CCSER1: variants seen among roughly 807,000 people sequenced by gnomAD.
The protein encoded by CCSER1 is coiled-coil serine rich protein 1, also known as serine-rich coiled-coil domain-containing protein 1.
A neutral mutation model predicts 82.0 loss-of-function variants in CCSER1; 41 were observed. The observed-to-expected ratio is 0.50, with a 90% CI of 0.39 to 0.65. The LOEUF (loss-of-function observed/expected upper bound fraction) is 0.65. Ranked by LOEUF, CCSER1 falls within the 30% of genes least tolerant of loss-of-function variation. The probability of loss-of-function intolerance (pLI) is 0.00; values close to 1 mark genes in which losing one functional copy is unlikely to be tolerated. For synonymous variants in CCSER1, 414 were observed against 383.9 expected (o/e 1.08, Z -0.92); for missense variants, 1,119 against 1,064.2 (o/e 1.05, Z -0.72).
intron 10 of CCSER1, among the ~76,000 whole-genome samples, chr4:91,347,176 C>A (rs908384531): frequency 1.3e-5 from 2 of 152,014 alleles, no homozygotes; most frequent in East Asian, 3.9e-4. Context: ...AAAGGTATAA[C>A]GTCTGGGTGT....
intron 10 of CCSER1, among the ~76,000 whole-genome samples, chr4:91,378,069 G>A (rs868151389): frequency 6.6e-6 from 1 of 152,112 alleles, no homozygotes; most frequent in East Asian, 1.9e-4. Context: ...TAGATGTGTG[G>A]TATTATTTCT....
At chr4:90,592,125 A>G (rs988342648) in intron 5 of CCSER1, among the ~76,000 whole-genome samples, 17 of 152,154 alleles carry the variant, frequency 1.1e-4, no homozygotes, top group African/African-American at 2.9e-4. Context: ...AGGTGCAGGA[A>G]ACCACCATGG....
intron 10 of CCSER1, among the ~76,000 whole-genome samples, chr4:91,448,584 T>C (rs554259062): frequency 4.5e-4 from 68 of 152,052 alleles, no homozygotes; most frequent in Non-Finnish European, 8.1e-4. Context: ...CTGATATCCA[T>C]GTATCCATGC....
intron 10 of CCSER1, among the ~76,000 whole-genome samples, chr4:91,394,406 A>T (rs1751840751): frequency 6.6e-6 from 1 of 152,102 alleles, no homozygotes; most frequent in Non-Finnish European, 1.5e-5. Flanking sequence ...TTTGTTAAAA[A>T]TTAAATAGAA....
chr4:90,845,352 C>T (rs931045865), intron 8 of CCSER1, among the ~76,000 whole-genome samples: 15 of 125,526 alleles, frequency 1.2e-4, no homozygotes, highest in East Asian at 6.7e-4. Context: ...CAGAGTGAGA[C>T]GCCATCTAAA....
intron 3 of CCSER1, among the ~76,000 whole-genome samples, chr4:90,390,006 A>G (rs1036776665): frequency 1.3e-5 from 2 of 152,180 alleles, no homozygotes; most frequent in Non-Finnish European, 2.9e-5. Flanking sequence ...AAAATCTGTC[A>G]TATAATAAAA....
At chr4:90,746,882 A>T (rs1335254368) in intron 7 of CCSER1, among the ~76,000 whole-genome samples, 1 of 152,204 alleles carries the variant, frequency 6.6e-6, no homozygotes, top group Non-Finnish European at 1.5e-5. Flanking sequence ...TGCAGGTTGC[A>T]ATGCTGGTAA....
chr4:91,021,001 C>A (rs1581355624), intron 9 of CCSER1, among the ~76,000 whole-genome samples: 2 of 152,118 alleles, frequency 1.3e-5, no homozygotes, highest in Admixed American at 6.5e-5. Context: ...CGAGATACTT[C>A]AAAGTTAGTG....
chr4:91,075,565 TTGAC>T (rs1721902402), intron 9 of CCSER1, among the ~76,000 whole-genome samples: 1 of 152,184 alleles, frequency 6.6e-6, no homozygotes. Context: ...TATGAATAAT[TTGAC>T]TGTTCGTGTG....
At chr4:90,459,621 G>A (rs1762626148) in intron 4 of CCSER1, among the ~76,000 whole-genome samples, 1 of 151,946 alleles carries the variant, frequency 6.6e-6, no homozygotes, top group Admixed American at 6.5e-5. Flanking sequence ...TGTCTTCGAT[G>A]TTTTTTCCAC....
At chr4:91,083,719 A>C (rs534287123) in intron 9 of CCSER1, among the ~76,000 whole-genome samples, 26 of 152,270 alleles carry the variant, frequency 1.7e-4, no homozygotes, top group African/African-American at 6.3e-4. Context: ...CTGAAATAAA[A>C]ATTTCACTGA....
intron 4 of CCSER1, among the ~76,000 whole-genome samples, chr4:90,423,146 GTGTAAATAATGA>G (rs1393816020): frequency 6.6e-6 from 1 of 151,984 alleles, no homozygotes; most frequent in Non-Finnish European, 1.5e-5. Context: ...ATATTATTTG[GTGTAAATAATGA>G]TAAAAATATT....
At chr4:91,195,401 G>A (rs1198996640) in intron 10 of CCSER1, among the ~76,000 whole-genome samples, 1 of 152,140 alleles carries the variant, frequency 6.6e-6, no homozygotes, top group East Asian at 1.9e-4. Context: ...CCACAATGCT[G>A]GATTAAGAGA....
rs1156334482 is a variant in CCSER1 at position 90,648,266 on chromosome 4, A to G, written c.1932+20034A>G. On this transcript the variant is annotated intron_variant, in intron 6 of 10. Coordinates refer to ENST00000509176, the MANE Select transcript of CCSER1 (RefSeq NM_001145065.2). ...GAATAAAGGAAAAAAAGAAGAAAGA[A>G]AGAGAGAGAGAAAGAAAGGAAAGAA... Among the ~76,000 whole-genome samples, 4 of 145,068 alleles carry G rather than the reference A, an allele frequency of 2.8e-5. No individual in the cohort carries two copies. The East Asian group carries it at 6.1e-4, about 22-fold the overall frequency.
chr4:90,231,093 A>G (rs1305894390), intron 1 of CCSER1, among the ~76,000 whole-genome samples: 2 of 152,132 alleles, frequency 1.3e-5, no homozygotes, highest in Admixed American at 6.5e-5. Context: ...ATCAACAGAA[A>G]AAGAGGGAAT....
At chr4:90,751,183 C>G (rs573907377) in intron 7 of CCSER1, among the ~76,000 whole-genome samples, 1 of 151,982 alleles carries the variant, frequency 6.6e-6, no homozygotes, top group Admixed American at 6.6e-5. Flanking sequence ...TGCCATAAGC[C>G]CCATGGTTTA....
chr4:90,614,951 ACT>A (rs1421872566), intron 5 of CCSER1, among the ~76,000 whole-genome samples: 1 of 152,054 alleles, frequency 6.6e-6, no homozygotes, highest in Non-Finnish European at 1.5e-5. Context: ...GGACAGGCTG[ACT>A]CTCTTGATAG....
rs373847330 is a variant in CCSER1 at position 90,258,615 on chromosome 4, GTTTCAC to G, written c.-41-49623_-41-49618del. 5.6e-4 allele frequency among the ~76,000 whole-genome samples: 86 copies of G among 152,220 alleles called. 2 individuals carry two copies. In the East Asian group the frequency reaches 0.016, roughly 29 times the overall value. Reference sequence around the variant, plus strand: ...AAATACACAAAGTTCCTTATTTATAGTTTCACTTTCAAAGATAAACAGTCATAATGA... The same window carrying G: ...AAATACACAAAGTTCCTTATTTATAGTTTCAAAGATAAACAGTCATAATGA... On this transcript the variant is annotated intron_variant, in intron 1 of 10. Transcript: ENST00000509176.
chr4:90,140,418 G>T (rs1299597976), intron 1 of CCSER1, among the ~76,000 whole-genome samples: 1 of 152,118 alleles, frequency 6.6e-6, no homozygotes, highest in Non-Finnish European at 1.5e-5. Context: ...TAGAAAGATG[G>T]GGTCCTGCTG....
Sources: gnomAD v4.1 joint callset for allele counts (sites outside exome capture counted in the v4.1 genomes callset) on GRCh38, gnomAD v4.1.1 for gene constraint, MANE v1.5 for transcripts, NCBI Gene and HGNC (gene_info 2026-07-23, HGNC 2026-07-21) for gene names.